UGGT2: variants seen among roughly 807,000 people sequenced by gnomAD.
UGGT2 encodes UDP-glucose glycoprotein glucosyltransferase 2.
UGGT2 carries 180 observed loss-of-function variants against 192.1 expected under a neutral mutation model. The observed-to-expected ratio is 0.94, with a 90% CI of 0.83 to 1.06. UGGT2 has a LOEUF of 1.06. UGGT2 is among the 50% of genes least tolerant of loss of function. The probability of loss-of-function intolerance (pLI) is 0.00; values close to 1 mark genes in which losing one functional copy is unlikely to be tolerated. For synonymous variants in UGGT2, 580 were observed against 591.0 expected (o/e 0.98, Z 0.27); for missense variants, 1,849 against 1,795.7 (o/e 1.03, Z -0.54).
intron 20 of UGGT2, among the ~76,000 whole-genome samples, chr13:95,910,811 A>T (rs1380051607): frequency 2.0e-5 from 3 of 152,170 alleles, no homozygotes; most frequent in African/African-American, 7.2e-5. Context: ...CATTGCACCT[A>T]TTCTAAAATC....
intron 7 of UGGT2, among the ~76,000 whole-genome samples, chr13:95,993,649 T>C (rs2051525613): frequency 6.6e-6 from 1 of 152,150 alleles, no homozygotes; most frequent in Non-Finnish European, 1.5e-5. Context: ...CTGGCCAACA[T>C]ACTTTAAAAA....
chr13:95,892,324 C>A (rs1317260490), intron 24 of UGGT2, among the ~76,000 whole-genome samples: 1 of 151,960 alleles, frequency 6.6e-6, no homozygotes, highest in East Asian at 1.9e-4. Context: ...ACTGACTAAC[C>A]CAAGAATAGA....
chr13:95,948,363 T>C (rs1429937896), intron 13 of UGGT2, among the ~76,000 whole-genome samples: 2 of 152,160 alleles, frequency 1.3e-5, no homozygotes, highest in Non-Finnish European at 2.9e-5. Flanking sequence ...AAGCCCAGTA[T>C]ATTTTATTTT....
rs868067503 is a variant in UGGT2, at chr13:96,053,282, G to A, written c.31C>T (p.Arg11Trp). The stretch of plus-strand genomic sequence containing the variant: ...AGCGCTGTGGAGCCTAGTAGCAGCC[G>A]CACCACGTTCGTGGCTTTCGCTGGC... MAPAKATNVV[R>W]LLLGSTALWL... Residue 11 changes from arginine to tryptophan, a missense_variant, in exon 1 of 39, where the codon CGG becomes TGG. Coordinates refer to ENST00000376747, the MANE Select transcript of UGGT2 (RefSeq NM_020121.4). 1.9e-6 allele frequency: 3 copies of A among 1,578,132 alleles called. No individual in the cohort carries two copies. The highest frequency in any genetic ancestry group is 2.3e-5 in the East Asian group (1 of 42,760).
chr13:95,843,403 GATC>G (rs1888068029), intron 36 of UGGT2, among the ~76,000 whole-genome samples: 1 of 152,126 alleles, frequency 6.6e-6, no homozygotes, highest in Non-Finnish European at 1.5e-5. Flanking sequence ...ATTGACACTT[GATC>G]ATCTTTGGTG....
At chr13:95,951,122 CAGAT>C (rs1309923661) in intron 12 of UGGT2, among the ~76,000 whole-genome samples, 1 of 152,048 alleles carries the variant, frequency 6.6e-6, no homozygotes, top group African/African-American at 2.4e-5. Context: ...GAGACACACA[CAGAT>C]GGATGAATAA....
At chr13:95,959,608 C>T in intron 12 of UGGT2, among the ~76,000 whole-genome samples, 1 of 152,208 alleles carries the variant, frequency 6.6e-6, no homozygotes, top group South Asian at 2.1e-4. Flanking sequence ...CAACCTGCCA[C>T]TACCATCACC....
chr13:95,929,862 C>G (rs150540463), intron 17 of UGGT2, among the ~76,000 whole-genome samples: 1 of 152,300 alleles, frequency 6.6e-6, no homozygotes, highest in East Asian at 1.9e-4. Flanking sequence ...CATCTACAAA[C>G]TGCTTTCCAA....
At chr13:95,890,153 C>T (rs530256133) in intron 25 of UGGT2, among the ~76,000 whole-genome samples, 16 of 152,312 alleles carry the variant, frequency 1.1e-4, no homozygotes, top group South Asian at 6.2e-4. Context: ...CTTTCCTCGG[C>T]TTCACTTGTT....
chr13:95,914,276 A>G (rs897117480), intron 20 of UGGT2, among the ~76,000 whole-genome samples: 4 of 152,030 alleles, frequency 2.6e-5, no homozygotes, highest in Non-Finnish European at 5.9e-5. Context: ...ATGAGATGAT[A>G]TATTCAAAGT....
intron 38 of UGGT2, among the ~76,000 whole-genome samples, chr13:95,831,743 C>G (rs1886713087): frequency 6.6e-6 from 1 of 151,942 alleles, no homozygotes. Flanking sequence ...CACCAATGCT[C>G]ATTATTATTA....
At chr13:95,956,887 A>G (rs1480954077) in intron 12 of UGGT2, among the ~76,000 whole-genome samples, 1 of 152,278 alleles carries the variant, frequency 6.6e-6, no homozygotes, top group Non-Finnish European at 1.5e-5. Context: ...CAAAGTTCAT[A>G]GCACAGCATT....
At chr13:95,972,082 A>C (rs1235910329) in intron 11 of UGGT2, among the ~76,000 whole-genome samples, 1 of 152,124 alleles carries the variant, frequency 6.6e-6, no homozygotes, top group Non-Finnish European at 1.5e-5. Context: ...TTGATAAAGC[A>C]AGGACTTCCT....
At chr13:95,983,964 A>T in intron 9 of UGGT2, 100 bp from the exon 10 acceptor site, 1 of 719,418 alleles carries the variant, frequency 1.4e-6, no homozygotes, top group South Asian at 3.5e-5. Flanking sequence ...GAAGCTAAAA[A>T]CTCCAAATCC....
chr13:95,900,752 G>C (rs2048081106), intron 22 of UGGT2, 55 bp downstream of exon 22: 8 of 1,538,098 alleles, frequency 5.2e-6, no homozygotes, highest in Non-Finnish European at 7.0e-6. Flanking sequence ...AAAAAAGGCA[G>C]ACCAGTGCAC....
chr13:95,972,475 A>T, intron 11 of UGGT2, 105 bp downstream of exon 11: 1 of 1,049,784 alleles, frequency 9.5e-7, no homozygotes, highest in Non-Finnish European at 1.4e-6. Flanking sequence ...AAAAACATGT[A>T]TTTATCTTTA....
chr13:95,894,206 C>T (rs1434731405), intron 24 of UGGT2, among the ~76,000 whole-genome samples: 29 of 152,090 alleles, frequency 1.9e-4, no homozygotes, highest in Non-Finnish European at 4.4e-5. Context: ...TTTGATTAAT[C>T]AGAACTCTTC....
intron 2 of UGGT2, among the ~76,000 whole-genome samples, chr13:96,027,389 T>A (rs1007671988): frequency 2.0e-5 from 3 of 152,178 alleles, no homozygotes; most frequent in Non-Finnish European, 2.9e-5. Context: ...ATCATCTCTA[T>A]TATGAAATGG....
At chr13:95,869,183 C>T (rs1172147467) in intron 29 of UGGT2, among the ~76,000 whole-genome samples, 2 of 151,912 alleles carry the variant, frequency 1.3e-5, no homozygotes, top group Non-Finnish European at 2.9e-5. Context: ...TGATGGTTTC[C>T]AGCTTCATCC....
Sources: allele counts gnomAD v4.1 joint callset (sites outside exome capture counted in the v4.1 genomes callset), GRCh38; gene constraint gnomAD v4.1.1; transcripts MANE v1.5; gene names NCBI Gene and HGNC (gene_info 2026-07-23, HGNC 2026-07-21).